Variants in LGSN observed in about 807,000 individuals in gnomAD.
LGSN encodes the protein lengsin.
Under a neutral mutation model 19.5 loss-of-function variants are expected in LGSN, and 21 were observed. The observed-to-expected ratio is 1.07, with a 90% CI of 0.76 to 1.55. The LOEUF (loss-of-function observed/expected upper bound fraction) is 1.55, where lower values mean the gene tolerates loss of function less well. Among genes scored for constraint, LGSN ranks in the 40% most tolerant of loss-of-function variants. The pLI, the probability that LGSN is intolerant of heterozygous loss-of-function variation, is 0.00. For missense variants in LGSN, 673 were observed against 608.5 expected (o/e 1.11, Z -1.12); for synonymous variants, 257 against 215.6 (o/e 1.19, Z -1.68).
At chr6:63,553,507 A>G in the LGSN span, among the ~76,000 whole-genome samples, 2 of 152,210 alleles carry the variant, frequency 1.3e-5, no homozygotes, top group African/African-American at 2.4e-5. Context: ...AATGAAAGCC[A>G]GTTTGGTATC....
At chr6:63,570,478 C>A in the LGSN span, among the ~76,000 whole-genome samples, 1 of 152,194 alleles carries the variant, frequency 6.6e-6, no homozygotes, top group Admixed American at 6.5e-5. Context: ...AATTTGAGAG[C>A]TTTTAGAACT....
At chr6:63,468,538 T>A in the LGSN span, among the ~76,000 whole-genome samples, 1 of 150,958 alleles carries the variant, frequency 6.6e-6, no homozygotes, top group African/African-American at 2.4e-5. Context: ...AGCGATTCTG[T>A]TGCCTCAGCC....
At chr6:63,436,905 T>C in the LGSN span, among the ~76,000 whole-genome samples, 3 of 151,622 alleles carry the variant, frequency 2.0e-5, no homozygotes, top group Non-Finnish European at 2.9e-5. Flanking sequence ...GGCATGGTGG[T>C]ATGCACCTGT....
At chr6:63,545,895 A>G in the LGSN span, among the ~76,000 whole-genome samples, 1 of 152,198 alleles carries the variant, frequency 6.6e-6, no homozygotes, top group Non-Finnish European at 1.5e-5. Flanking sequence ...AAATAAAAAT[A>G]AACCTGGTTC....
intron 2 of LGSN, among the ~76,000 whole-genome samples, chr6:63,287,951 C>T (rs149463354): frequency 0.012 from 1,859 of 152,002 alleles, 30 homozygotes; most frequent in African/African-American, 0.036. Flanking sequence ...TGCAGTGGCT[C>T]AAGCCTGTAA....
At chr6:63,443,671 C>A in the LGSN span, 1 of 546,732 alleles carries the variant, frequency 1.8e-6, no homozygotes, top group South Asian at 7.6e-5. Flanking sequence ...TTTTTAGCAT[C>A]AGACCTACCT....
chr6:63,424,973 G>A, the LGSN span, among the ~76,000 whole-genome samples: 3 of 114,116 alleles, frequency 2.6e-5, no homozygotes, highest in South Asian at 9.1e-4. Flanking sequence ...ATTCCAGAAT[G>A]GATAAAAGAC....
the LGSN span, among the ~76,000 whole-genome samples, chr6:63,437,865 G>T: frequency 6.6e-6 from 1 of 152,136 alleles, no homozygotes; most frequent in Admixed American, 6.6e-5. Flanking sequence ...CGGAGGCGGA[G>T]GTTGCAGTGA....
chr6:63,280,154 A>G lies in LGSN; in HGVS notation c.1397T>C (p.Leu466Pro). 6.2e-7 allele frequency: 1 copy of G among 1,614,260 alleles called. No homozygotes were observed. The highest frequency in any genetic ancestry group is 8.5e-7 in the Non-Finnish European group (1 of 1,180,040). The change falls in exon 4 of 4, where the codon CTG becomes CCG. Residue 466 changes from leucine to proline, a missense_variant. Leu to Pro is a moderately conservative substitution (Grantham distance 98). Transcript: ENST00000370657. ...CTGTCTCAGGCATTGATCTTCTTCC[A>G]GTGCCACAAGGGCATCTTCTAGTTT... ...PLKLEDALVA[L>P]EEDQCLRQAL...
chr6:63,537,393 T>C, the LGSN span, among the ~76,000 whole-genome samples: 2 of 152,180 alleles, frequency 1.3e-5, no homozygotes, highest in African/African-American at 4.8e-5. Flanking sequence ...ACCATATTAG[T>C]AACACCTGGG....
the LGSN span, among the ~76,000 whole-genome samples, chr6:63,567,370 C>T: frequency 1.3e-5 from 2 of 152,188 alleles, no homozygotes; most frequent in Non-Finnish European, 2.9e-5. Flanking sequence ...AGAATGGATG[C>T]TGTGTTAGAA....
At position 63,285,533 on chromosome 6, in the gene LGSN, T is replaced by G. The variant is rs1475506133; in HGVS notation, c.330+54A>C. The G allele has an allele frequency of 7.3e-6, 10 of 1,378,238 alleles. No homozygotes were observed. In the African/African-American group the frequency reaches 1.3e-4, roughly 18 times the overall value. The allele number at this position is 1,378,238 out of a possible 1,614,324, so 85.4% of individuals were successfully genotyped here. On this transcript the variant is annotated intron_variant, in intron 3 of 3. Coordinates refer to ENST00000370657, the MANE Select transcript of LGSN (RefSeq NM_016571.3). Reference sequence around the variant, plus strand: ...AAATAAGAAAGAGTAATAAGAACTGTTTGCTTGCTAATGGTCATGAAATTA... The same window carrying G: ...AAATAAGAAAGAGTAATAAGAACTGGTTGCTTGCTAATGGTCATGAAATTA...
At chr6:63,376,347 T>G in the LGSN span, among the ~76,000 whole-genome samples, 70 of 152,326 alleles carry the variant, frequency 4.6e-4, no homozygotes, top group African/African-American at 1.7e-3. Flanking sequence ...CCAGGAGTAC[T>G]ATCTAAAACC....
At chr6:63,414,206 A>C in the LGSN span, among the ~76,000 whole-genome samples, 1 of 152,268 alleles carries the variant, frequency 6.6e-6, no homozygotes, top group Non-Finnish European at 1.5e-5. Context: ...GGTATAAACT[A>C]TGTGGCACAG....
chr6:63,504,380 T>C, the LGSN span, among the ~76,000 whole-genome samples: 19 of 152,234 alleles, frequency 1.2e-4, no homozygotes, highest in African/African-American at 4.6e-4. Context: ...TAACTGAGAC[T>C]ACAGGTGCCC....
chr6:63,437,284 G>A, the LGSN span, among the ~76,000 whole-genome samples: 1 of 151,700 alleles, frequency 6.6e-6, no homozygotes, highest in African/African-American at 2.4e-5. Flanking sequence ...CCAAATTGTC[G>A]GAGATCTAAA....
chr6:63,281,264 C>T, intron 3 of LGSN, 44 bp from the exon 4 acceptor site: 4 of 1,353,930 alleles, frequency 3.0e-6, no homozygotes, highest in South Asian at 4.3e-5. Context: ...TGAAAACAAA[C>T]AAAAGGGTCG....
chr6:63,510,456 T>C, the LGSN span, among the ~76,000 whole-genome samples: 4 of 150,738 alleles, frequency 2.7e-5, no homozygotes, highest in South Asian at 2.1e-4. Context: ...ACCTTTCTTT[T>C]TTTTTTTTTT....
At chr6:63,453,878 G>T in the LGSN span, among the ~76,000 whole-genome samples, 4 of 151,854 alleles carry the variant, frequency 2.6e-5, no homozygotes, top group African/African-American at 9.7e-5. Flanking sequence ...AGATGGTCTC[G>T]GTCTCCTGAC....
Sources: allele counts gnomAD v4.1 joint callset (sites outside exome capture counted in the v4.1 genomes callset), GRCh38; gene constraint gnomAD v4.1.1; transcripts MANE v1.5; gene names NCBI Gene and HGNC (gene_info 2026-07-23, HGNC 2026-07-21).